VPS53: variants seen among roughly 807,000 people sequenced by gnomAD.
VPS53 encodes vacuolar protein sorting-associated protein 53 homolog.
Under a neutral mutation model 107.0 loss-of-function variants are expected in VPS53, and 70 were observed. That is an observed-to-expected ratio of 0.65 (90% CI 0.54 to 0.80). The LOEUF (loss-of-function observed/expected upper bound fraction) is 0.80, where lower values mean the gene tolerates loss of function less well. Among genes scored for constraint, VPS53 ranks in the 30% least tolerant of loss-of-function variants. VPS53 has a pLI of 0.00. For missense variants in VPS53, 917 were observed against 1,049.4 expected, an observed-to-expected ratio of 0.87 and a Z score of 1.74; for synonymous variants, 409 against 393.3, an observed-to-expected ratio of 1.04 and a Z score of -0.47.
At chr17:662,281 A>T (rs1567719024) in intron 4 of VPS53, among the ~76,000 whole-genome samples, 1 of 152,210 alleles carries the variant, frequency 6.6e-6, no homozygotes, top group Non-Finnish European at 1.5e-5. Context: ...CTGGACTTGG[A>T]AGTTCCAGAT....
chr17:587,960 T>C (rs188501067), intron 12 of VPS53, among the ~76,000 whole-genome samples: 10 of 152,308 alleles, frequency 6.6e-5, no homozygotes, highest in African/African-American at 2.2e-4. Flanking sequence ...ATCAAGGCAG[T>C]AAGTGTATCC....
In VPS53 at chr17:524,298, AT is replaced by A. The variant is rs1451369352; in HGVS notation, c.2086-2561del. On this transcript the variant is annotated intron_variant, in intron 19 of 21. Transcript: ENST00000437048. The surrounding 1 kb of genome is among the most constrained non-coding windows in gnomAD (Gnocchi z 4.5). ...AAAATAAATACATAAAAAATAAAAA[AT>A]AAAAAAGAAGAAGAAGAAGAAAATA... Among the ~76,000 whole-genome samples the A allele has an allele frequency of 1.4e-5, 2 of 148,104 alleles. No individual in the cohort carries two copies. Among genetic ancestry groups the A allele is most frequent in the South Asian group, 2.1e-4 (1 of 4,816 alleles).
At chr17:704,547 C>A (rs1973328604) in intron 2 of VPS53, among the ~76,000 whole-genome samples, 1 of 152,212 alleles carries the variant, frequency 6.6e-6, no homozygotes, top group Admixed American at 6.5e-5. Flanking sequence ...CTTTCTACTA[C>A]CTTTTCATTA....
intron 11 of VPS53, among the ~76,000 whole-genome samples, chr17:612,833 T>C (rs530243517): frequency 2.5e-4 from 37 of 150,116 alleles, no homozygotes; most frequent in Non-Finnish European, 8.9e-5. Flanking sequence ...TGAAAACCTG[T>C]ACAGATACTC....
intron 15 of VPS53, among the ~76,000 whole-genome samples, chr17:557,108 C>G (rs1377949329): frequency 6.6e-6 from 1 of 152,206 alleles, no homozygotes; most frequent in Non-Finnish European, 1.5e-5. Flanking sequence ...CCTCCTCAGC[C>G]TCCCAAAGTG....
At chr17:606,409 A>G (rs1383372402) in intron 11 of VPS53, among the ~76,000 whole-genome samples, 4 of 152,098 alleles carry the variant, frequency 2.6e-5, no homozygotes, top group Non-Finnish European at 5.9e-5. Flanking sequence ...AGGAATACCT[A>G]CCTCGTATGG....
At chr17:696,791 C>CTTTTTTTTT (rs67948585) in intron 4 of VPS53, among the ~76,000 whole-genome samples, 1 of 113,800 alleles carries the variant, frequency 8.8e-6, no homozygotes, top group Non-Finnish European at 1.7e-5. Context: ...ACTTATAAAA[C>CTTTTTTTTT]TTTTTTTTTT....
chr17:530,426 T>TA (rs1909451215), intron 19 of VPS53, among the ~76,000 whole-genome samples: 1 of 152,050 alleles, frequency 6.6e-6, no homozygotes, highest in Non-Finnish European at 1.5e-5. Context: ...GTGTTGGGAT[T>TA]AAGGGTGTAA....
At chr17:556,141 T>G (rs1453338788) in intron 15 of VPS53, among the ~76,000 whole-genome samples, 1 of 151,982 alleles carries the variant, frequency 6.6e-6, no homozygotes, top group African/African-American at 2.4e-5. Context: ...TGGCCAGGCA[T>G]GGTGGCAGGT....
At chr17:699,239 T>C (rs918682315) in intron 3 of VPS53, 92 bp downstream of exon 3, 3 of 998,218 alleles carry the variant, frequency 3.0e-6, no homozygotes, top group Admixed American at 6.1e-5. Flanking sequence ...GAGATTTCAG[T>C]GCTCTCACAG....
Position 704,012 on chromosome 17 carries a change from T to A in VPS53, c.169-4632A>T, listed in dbSNP as rs565987657. On this transcript the variant is annotated intron_variant, in intron 2 of 21. Coordinates refer to ENST00000437048, the MANE Select transcript of VPS53 (RefSeq NM_001128159.3). ...TTTTTTTTTCTCTTAACAATACAGA[T>A]CCAGAGCATTTTTGGGGTCACCAGA... 1.6e-4 allele frequency among the ~76,000 whole-genome samples: 24 copies of A among 152,134 alleles called. No homozygotes were observed. In the South Asian group the frequency reaches 5.0e-3, roughly 32 times the overall value.
intron 13 of VPS53, among the ~76,000 whole-genome samples, chr17:580,136 A>C: frequency 6.7e-6 from 1 of 149,356 alleles, no homozygotes; most frequent in Middle Eastern, 3.5e-3. Context: ...CTCAGAACCT[A>C]ATGTGTTCCC....
intron 4 of VPS53, among the ~76,000 whole-genome samples, chr17:694,134 G>A (rs1326663155): frequency 6.6e-6 from 1 of 152,206 alleles, no homozygotes; most frequent in African/African-American, 2.4e-5. Flanking sequence ...GACAGATGGG[G>A]CCATGACAGG....
chr17:622,845 T>G (rs1460691972), intron 11 of VPS53, among the ~76,000 whole-genome samples: 1 of 151,094 alleles, frequency 6.6e-6, no homozygotes, highest in African/African-American at 2.5e-5. Flanking sequence ...GACTAAGGGG[T>G]GCACCCGACT....
intron 11 of VPS53, among the ~76,000 whole-genome samples, chr17:620,204 C>T (rs1473921202): frequency 6.6e-6 from 1 of 152,164 alleles, no homozygotes; most frequent in Non-Finnish European, 1.5e-5. Context: ...GTAGGCAGGA[C>T]CTTGTGGTCT....
At chr17:565,442 GAA>G (rs2094855292) in intron 13 of VPS53, among the ~76,000 whole-genome samples, 1 of 144,648 alleles carries the variant, frequency 6.9e-6, no homozygotes, top group South Asian at 2.2e-4. Context: ...AAAAGAAAAA[GAA>G]AGTCTATTAT....
intron 1 of VPS53, among the ~76,000 whole-genome samples, chr17:710,855 G>A (rs1246850407): frequency 6.6e-6 from 1 of 151,912 alleles, no homozygotes; most frequent in African/African-American, 2.4e-5. Flanking sequence ...TGAGGCAGGA[G>A]AATTGCTTGA....
At chr17:597,773 T>C (rs573511743) in intron 12 of VPS53, among the ~76,000 whole-genome samples, 3 of 152,236 alleles carry the variant, frequency 2.0e-5, no homozygotes, top group East Asian at 3.9e-4. Context: ...TTTCACCATG[T>C]TGGTCAGGCT....
intron 4 of VPS53, among the ~76,000 whole-genome samples, chr17:688,034 T>C (rs1245912340): frequency 6.6e-6 from 1 of 152,146 alleles, no homozygotes; most frequent in Non-Finnish European, 1.5e-5. Flanking sequence ...AGATAGCTAT[T>C]TGGATTCCTT....
Sources: allele counts gnomAD v4.1 joint callset (sites outside exome capture counted in the v4.1 genomes callset), GRCh38; gene constraint gnomAD v4.1.1; non-coding constraint Gnocchi (gnomAD v3.1); transcripts MANE v1.5; gene names NCBI Gene and HGNC (gene_info 2026-07-23, HGNC 2026-07-21).